Variants in CMIP observed in about 807,000 individuals in gnomAD.
CMIP encodes c-Maf inducing protein.
CMIP carries 13 observed loss-of-function variants against 97.3 expected under a neutral mutation model. That is an observed-to-expected ratio of 0.13 (90% CI 0.09 to 0.21). The LOEUF (loss-of-function observed/expected upper bound fraction) is 0.21, where lower values mean the gene tolerates loss of function less well. CMIP is among the 10% of genes least tolerant of loss of function. CMIP has a pLI of 1.00. For missense variants in CMIP, 847 were observed against 1,024.9 expected (o/e 0.83, Z 2.37); for synonymous variants, 538 against 436.3 (o/e 1.23, Z -2.91).
intron 3 of CMIP, among the ~76,000 whole-genome samples, chr16:81,648,509 C>T (rs537886638): frequency 1.1e-4 from 16 of 152,234 alleles, no homozygotes; most frequent in South Asian, 8.3e-4. Flanking sequence ...GTTGGCCAGG[C>T]GCAGTGGCTG....
At chr16:81,602,650 A>T (rs62043785) in intron 1 of CMIP, among the ~76,000 whole-genome samples, 2 of 152,112 alleles carry the variant, frequency 1.3e-5, no homozygotes, top group Admixed American at 1.3e-4. Flanking sequence ...TTATTTCAGG[A>T]TGTCATATAA....
chr16:81,600,861 A>G (rs2091645796), intron 1 of CMIP, among the ~76,000 whole-genome samples: 1 of 152,184 alleles, frequency 6.6e-6, no homozygotes, highest in Non-Finnish European at 1.5e-5. Flanking sequence ...CAGCCTCATC[A>G]TTAGTGTTGT....
chr16:81,583,082 GC>G (rs1201506908), intron 1 of CMIP, among the ~76,000 whole-genome samples: 2 of 152,214 alleles, frequency 1.3e-5, no homozygotes, highest in African/African-American at 4.8e-5. Flanking sequence ...TCTCTAAAGG[GC>G]CTTGGCACTC....
chr16:81,564,581 T>C lies in CMIP; in HGVS notation c.301-42986T>C, dbSNP rs572656601. Reference sequence around the variant, plus strand: ...CTGCCAGCAGCCGGGAGCCAGGAGTTCTCAAGCTCGAGGCTGCGCCGCAGT... The same window carrying C: ...CTGCCAGCAGCCGGGAGCCAGGAGTCCTCAAGCTCGAGGCTGCGCCGCAGT... On this transcript the variant is annotated intron_variant, in intron 1 of 20. Transcript: ENST00000537098. Among the ~76,000 whole-genome samples the C allele has an allele frequency of 7.2e-4, 110 of 152,262 alleles. 2 individuals are homozygous for C. The South Asian group carries it at 0.02, about 28-fold the overall frequency.
intron 1 of CMIP, among the ~76,000 whole-genome samples, chr16:81,487,974 A>C (rs2150763360): frequency 6.6e-6 from 1 of 152,288 alleles, no homozygotes; most frequent in Non-Finnish European, 1.5e-5. Flanking sequence ...TGCAACCTGG[A>C]GGTGCCATTG....
chr16:81,584,666 A>T (rs1026576788), intron 1 of CMIP, among the ~76,000 whole-genome samples: 1 of 152,190 alleles, frequency 6.6e-6, no homozygotes, highest in Admixed American at 6.5e-5. Context: ...AAGCTCATGG[A>T]AATAAACATC....
intron 1 of CMIP, among the ~76,000 whole-genome samples, chr16:81,570,710 A>G (rs867359651): frequency 6.6e-6 from 1 of 152,122 alleles, no homozygotes; most frequent in Non-Finnish European, 1.5e-5. Flanking sequence ...CTCTGTTAAC[A>G]TGTGCTGAAA....
intron 1 of CMIP, among the ~76,000 whole-genome samples, chr16:81,579,931 G>A (rs960651312): frequency 3.9e-5 from 6 of 152,154 alleles, no homozygotes; most frequent in African/African-American, 2.4e-5. Context: ...ACTCCAGCCC[G>A]CCTGGGCGAC....
At chr16:81,647,209 A>G (rs2092373595) in intron 3 of CMIP, among the ~76,000 whole-genome samples, 1 of 152,192 alleles carries the variant, frequency 6.6e-6, no homozygotes, top group African/African-American at 2.4e-5. Context: ...AGGGCTAATG[A>G]CGTTGAGCAT....
In CMIP at chr16:81,465,643, G is replaced by A. The variant is rs564651653; in HGVS notation, c.300+20102G>A. ...ACGAATGAGAGAAATTCCCCAGCGAGCTGACCTTGGGCCTGGCTCAGCTGA... is the reference window on the plus strand; with the variant it reads ...ACGAATGAGAGAAATTCCCCAGCGAACTGACCTTGGGCCTGGCTCAGCTGA... On this transcript the variant is annotated intron_variant, in intron 1 of 20. Coordinates refer to ENST00000537098, the MANE Select transcript of CMIP (RefSeq NM_198390.3). Among the ~76,000 whole-genome samples, 112 of 152,384 alleles carry A rather than the reference G, an allele frequency of 7.3e-4. 1 individual carries two copies. Among genetic ancestry groups the A allele is most frequent in the African/African-American group, 2.5e-3 (106 of 41,588 alleles).
Position 81,616,125 on chromosome 16 carries a change from C to A in CMIP, c.427-4751C>A, listed in dbSNP as rs2091914641. ...TCAGCCCGGCATCTCTGTGCCTTGC[C>A]TTACATGTCATTAATTCATTCAGCT... is the stretch of plus-strand genomic sequence containing the variant. On this transcript the variant is annotated intron_variant, in intron 2 of 20. Transcript: ENST00000537098. The surrounding 1 kb of genome is among the most constrained non-coding windows in gnomAD (Gnocchi z 4.7). Among the ~76,000 whole-genome samples, 1 of 151,832 alleles carries A rather than the reference C, an allele frequency of 6.6e-6. No individual in the cohort carries two copies. Among genetic ancestry groups the A allele is most frequent in the Non-Finnish European group, 1.5e-5 (1 of 67,970 alleles).
chr16:81,446,606 A>T (rs1213291810), intron 1 of CMIP, among the ~76,000 whole-genome samples: 1 of 151,932 alleles, frequency 6.6e-6, no homozygotes, highest in Non-Finnish European at 1.5e-5. Flanking sequence ...GGCCACCGTG[A>T]TCCTGTTTAC....
At chr16:81,525,786 G>T (rs749014300) in intron 1 of CMIP, among the ~76,000 whole-genome samples, 2 of 152,050 alleles carry the variant, frequency 1.3e-5, no homozygotes, top group African/African-American at 2.4e-5. Context: ...GCCTACTCCC[G>T]ACCCCTGGCA....
intron 1 of CMIP, among the ~76,000 whole-genome samples, chr16:81,452,260 T>C (rs556777518): frequency 6.6e-6 from 1 of 152,304 alleles, no homozygotes; most frequent in African/African-American, 2.4e-5. Context: ...CTCTGCAGTG[T>C]CCCAGGTGGT....
At chr16:81,612,678 G>A (rs534672089) in intron 2 of CMIP, among the ~76,000 whole-genome samples, 99 of 152,298 alleles carry the variant, frequency 6.5e-4, no homozygotes, top group African/African-American at 2.3e-3. Context: ...ATTGGGCAGC[G>A]TTTGCCTGGA....
At chr16:81,458,097 C>G (rs952273145) in intron 1 of CMIP, among the ~76,000 whole-genome samples, 2 of 152,188 alleles carry the variant, frequency 1.3e-5, no homozygotes, top group Admixed American at 6.5e-5. Flanking sequence ...ACTTCAAAAC[C>G]TGCTTCTTGT....
At chr16:81,586,796 G>C (rs1378529015) in intron 1 of CMIP, among the ~76,000 whole-genome samples, 1 of 152,150 alleles carries the variant, frequency 6.6e-6, no homozygotes, top group Non-Finnish European at 1.5e-5. Flanking sequence ...CCACTCAACT[G>C]TGGAGTCCTT....
At chr16:81,512,366 C>A (rs2089831070) in intron 1 of CMIP, among the ~76,000 whole-genome samples, 1 of 152,130 alleles carries the variant, frequency 6.6e-6, no homozygotes, top group Admixed American at 6.5e-5. Context: ...CCATCACCAC[C>A]CCCATCACCT....
chr16:81,489,611 G>A (rs894418592), intron 1 of CMIP, among the ~76,000 whole-genome samples: 1 of 152,170 alleles, frequency 6.6e-6, no homozygotes, highest in Non-Finnish European at 1.5e-5. Context: ...ACAGACCCAC[G>A]AGGCCACCAT....
Sources: gnomAD v4.1 joint callset for allele counts (sites outside exome capture counted in the v4.1 genomes callset) on GRCh38, gnomAD v4.1.1 for gene constraint, Gnocchi (gnomAD v3.1) non-coding constraint, MANE v1.5 for transcripts, NCBI Gene and HGNC (gene_info 2026-07-23, HGNC 2026-07-21) for gene names.